Variants in ADGRL3 observed in about 807,000 individuals in gnomAD.
ADGRL3 encodes adhesion G protein-coupled receptor L3, also known as calcium-independent alpha-latrotoxin receptor 3.
In ADGRL3, 62 loss-of-function variants were observed where a neutral mutation model predicts 153.5. The observed-to-expected ratio is 0.40, with a 90% CI of 0.33 to 0.50. The LOEUF is 0.50. Among genes scored for constraint, ADGRL3 ranks in the 20% least tolerant of loss-of-function variants. The pLI, the probability that ADGRL3 is intolerant of heterozygous loss-of-function variation, is 0.47. For synonymous variants in ADGRL3, 710 were observed against 672.5 expected (o/e 1.06, Z -0.86); for missense variants, 1,641 against 1,859.4 (o/e 0.88, Z 2.16).
At chr4:61,627,679 A>G (rs1182868409) in intron 5 of ADGRL3, among the ~76,000 whole-genome samples, 3 of 152,254 alleles carry the variant, frequency 2.0e-5, no homozygotes, top group East Asian at 3.9e-4. Flanking sequence ...AGTGCCTTTC[A>G]GTATATTGGA....
chr4:61,247,817 G>A (rs1382085163), intron 1 of ADGRL3, among the ~76,000 whole-genome samples: 9 of 151,726 alleles, frequency 5.9e-5, no homozygotes, highest in Admixed American at 5.3e-4. Context: ...AATAATAATA[G>A]CTATAATTTA....
chr4:61,327,245 A>G (rs2095483642), intron 1 of ADGRL3, among the ~76,000 whole-genome samples: 1 of 150,554 alleles, frequency 6.6e-6, no homozygotes, highest in South Asian at 2.1e-4. Flanking sequence ...CTTTTTCCCT[A>G]TTGTCCTTAT....
At chr4:61,855,012 G>C (rs1470768848) in intron 9 of ADGRL3, among the ~76,000 whole-genome samples, 1 of 152,126 alleles carries the variant, frequency 6.6e-6, no homozygotes, top group Admixed American at 6.5e-5. Context: ...AAGTATCACA[G>C]ACCAGAGGAA....
At chr4:61,302,278 C>T (rs973622679) in intron 1 of ADGRL3, among the ~76,000 whole-genome samples, 16 of 151,882 alleles carry the variant, frequency 1.1e-4, no homozygotes, top group South Asian at 4.1e-4. Flanking sequence ...AACAATAAGA[C>T]GAGACCAGTG....
intron 5 of ADGRL3, among the ~76,000 whole-genome samples, chr4:61,645,716 A>T (rs1477457160): frequency 6.6e-6 from 1 of 151,742 alleles, no homozygotes; most frequent in African/African-American, 2.4e-5. Flanking sequence ...GCTGCCCTTA[A>T]CATTTTTTCC....
At chr4:61,765,205 T>C (rs1310542885) in intron 8 of ADGRL3, among the ~76,000 whole-genome samples, 1 of 152,008 alleles carries the variant, frequency 6.6e-6, no homozygotes, top group East Asian at 1.9e-4. Flanking sequence ...GCAGGGCATG[T>C]ATGAGTAGTT....
chr4:62,002,283 C>T (rs1413583684), intron 21 of ADGRL3, among the ~76,000 whole-genome samples: 2 of 146,910 alleles, frequency 1.4e-5, no homozygotes, highest in African/African-American at 5.1e-5. Flanking sequence ...TTTCTTCAGC[C>T]TCATTTTATG....
chr4:61,417,618 G>GGGA (rs1358751649), intron 2 of ADGRL3, among the ~76,000 whole-genome samples: 1 of 151,256 alleles, frequency 6.6e-6, no homozygotes, highest in Non-Finnish European at 1.5e-5. Context: ...TTTTGTATAG[G>GGGA]GTTATTCTTG....
At chr4:61,241,592 A>G (rs1008035255) in intron 1 of ADGRL3, among the ~76,000 whole-genome samples, 1 of 152,080 alleles carries the variant, frequency 6.6e-6, no homozygotes, top group Admixed American at 6.6e-5. Flanking sequence ...ACTTAGAAAC[A>G]AAATGTGCAG....
chr4:61,384,998 A>G (rs1382287532), intron 2 of ADGRL3, among the ~76,000 whole-genome samples: 1 of 152,162 alleles, frequency 6.6e-6, no homozygotes, highest in Non-Finnish European at 1.5e-5. Flanking sequence ...ATAGCTGCAC[A>G]ACTTAGTGAA....
intron 2 of ADGRL3, among the ~76,000 whole-genome samples, chr4:61,456,962 C>A (rs1386762172): frequency 6.6e-6 from 1 of 151,746 alleles, no homozygotes; most frequent in African/African-American, 2.4e-5. Context: ...TCATGTAATT[C>A]TTTTTAGTCT....
intron 13 of ADGRL3, among the ~76,000 whole-genome samples, chr4:61,926,725 T>C (rs575528466): frequency 6.6e-6 from 1 of 152,326 alleles, no homozygotes; most frequent in South Asian, 2.1e-4. Context: ...ATATTAACCG[T>C]TACTGTATAT....
chr4:61,314,456 G>A (rs1282176277), intron 1 of ADGRL3, among the ~76,000 whole-genome samples: 4 of 152,006 alleles, frequency 2.6e-5, no homozygotes, highest in African/African-American at 9.7e-5. Context: ...TGATCCACCC[G>A]CTCGGCCTCC....
chr4:61,631,828 C>T (rs1023474046), intron 5 of ADGRL3, among the ~76,000 whole-genome samples: 5 of 150,910 alleles, frequency 3.3e-5, no homozygotes, highest in East Asian at 2.0e-4. Flanking sequence ...GGGGTTTCAC[C>T]GTGTTAGCCA....
intron 5 of ADGRL3, among the ~76,000 whole-genome samples, chr4:61,663,513 A>G (rs1561023769): frequency 6.6e-6 from 1 of 152,172 alleles, no homozygotes; most frequent in African/African-American, 2.4e-5. Flanking sequence ...TCACTTGCTC[A>G]CAGACCCCTC....
chr4:61,966,195 T>C (rs940452275), intron 17 of ADGRL3, among the ~76,000 whole-genome samples: 4 of 152,176 alleles, frequency 2.6e-5, no homozygotes, highest in Non-Finnish European at 4.4e-5. Flanking sequence ...TATTTATACT[T>C]ATATTGTTTT....
intron 2 of ADGRL3, among the ~76,000 whole-genome samples, chr4:61,387,496 C>T (rs535500553): frequency 3.3e-5 from 5 of 152,148 alleles, no homozygotes; most frequent in East Asian, 3.9e-4. Context: ...CCATAAGAGA[C>T]GACCACGCCC....
At chr4:61,703,542 C>T (rs1009068199) in intron 6 of ADGRL3, among the ~76,000 whole-genome samples, 2 of 151,642 alleles carry the variant, frequency 1.3e-5, no homozygotes, top group African/African-American at 4.8e-5. Context: ...ATTCTTTCAA[C>T]ACCTAAGAAT....
intron 8 of ADGRL3, among the ~76,000 whole-genome samples, chr4:61,761,117 G>A (rs1021442367): frequency 6.6e-6 from 1 of 152,170 alleles, no homozygotes; most frequent in African/African-American, 2.4e-5. Flanking sequence ...TCAAGTGAAG[G>A]TTTGCAAAAA....
Sources: allele counts gnomAD v4.1 joint callset (sites outside exome capture counted in the v4.1 genomes callset), GRCh38; gene constraint gnomAD v4.1.1; transcripts MANE v1.5; gene names NCBI Gene and HGNC (gene_info 2026-07-23, HGNC 2026-07-21).